RABGAP1: variants seen among roughly 807,000 people sequenced by gnomAD.
RABGAP1 encodes the protein RAB GTPase activating protein 1.
A neutral mutation model predicts 137.6 loss-of-function variants in RABGAP1; 23 were observed. That is an observed-to-expected ratio of 0.17 (90% CI 0.12 to 0.24). The LOEUF (loss-of-function observed/expected upper bound fraction) is 0.24. Among genes scored for constraint, RABGAP1 ranks in the 10% least tolerant of loss-of-function variants. The probability of loss-of-function intolerance (pLI) is 1.00; values close to 1 mark genes in which losing one functional copy is unlikely to be tolerated. For missense variants in RABGAP1, 906 were observed against 1,275.8 expected (o/e 0.71, Z 4.42); for synonymous variants, 451 against 450.7 (o/e 1.00, Z -0.01).
intron 1 of RABGAP1, among the ~76,000 whole-genome samples, chr9:122,948,629 G>A (rs1228539969): frequency 6.6e-6 from 1 of 152,120 alleles, no homozygotes; most frequent in African/African-American, 2.4e-5. Context: ...CCCTAAAGCT[G>A]TACCCATTTT....
intron 6 of RABGAP1, chr9:122,990,803 A>G (rs1329588277): frequency 1.5e-5 from 1 of 68,666 alleles, no homozygotes; most frequent in African/African-American, 1.0e-4. Context: ...AAAAATATAT[A>G]TATATATATA....
chr9:122,935,777 C>T, the RABGAP1 span, among the ~76,000 whole-genome samples: 1,311 of 152,266 alleles, frequency 8.6e-3, 6 homozygotes, highest in South Asian at 0.015. Context: ...CTCTGTATGG[C>T]TTTGAGTTAC....
rs1231517278 is a variant in RABGAP1 at position 123,039,037 on chromosome 9, A to G, written c.1794+18578A>G. ...TAGTTTGGGGCTTGCGTTAGATAAT[A>G]GATGTGAAAGTACTTTGTAAATTGT... On this transcript the variant is annotated intron_variant, in intron 13 of 25. Coordinates refer to ENST00000373647, the MANE Select transcript of RABGAP1 (RefSeq NM_012197.4). 2.0e-5 allele frequency among the ~76,000 whole-genome samples: 3 copies of G among 152,274 alleles called. No homozygotes were observed. The East Asian group carries it at 5.8e-4, about 29-fold the overall frequency.
At chr9:123,017,337 C>T (rs1394635474) in intron 12 of RABGAP1, among the ~76,000 whole-genome samples, 1 of 152,164 alleles carries the variant, frequency 6.6e-6, no homozygotes, top group Non-Finnish European at 1.5e-5. Flanking sequence ...CTTTGTTATT[C>T]ATTTAATTAA....
intron 10 of RABGAP1, among the ~76,000 whole-genome samples, chr9:123,007,553 ATTTTTTTTTTT>A (rs34448685): frequency 9.6e-6 from 1 of 104,536 alleles, no homozygotes; most frequent in South Asian, 3.4e-4. Context: ...AAGTTTTTGT[ATTTTTTTTTTT>A]TTTTTTTTTT....
In RABGAP1 at chr9:123,061,945, A is replaced by G. The variant is rs187145387; in HGVS notation, c.1795-3403A>G. The stretch of plus-strand genomic sequence containing the variant: ...TGTGTTGCATTGGCAGGCTCTCTAC[A>G]TCAGTTACATTTATGTTTAACTCCT... On this transcript the variant is annotated intron_variant, in intron 13 of 25. Coordinates refer to ENST00000373647, the MANE Select transcript of RABGAP1 (RefSeq NM_012197.4). 2.6e-4 allele frequency: 39 copies of G among 152,314 alleles called. No individual in the cohort carries two copies. The East Asian group carries it at 5.0e-3, about 20-fold the overall frequency. The allele number at this position is 152,314 out of a possible 1,614,324, so 9.4% of individuals were successfully genotyped here.
chr9:122,952,529 A>T (rs533864002), intron 1 of RABGAP1, among the ~76,000 whole-genome samples: 1 of 152,132 alleles, frequency 6.6e-6, no homozygotes, highest in East Asian at 1.9e-4. Context: ...CGGCCTCCCA[A>T]AGTGCTGGGA....
At chr9:123,017,280 G>A (rs1402522067) in intron 12 of RABGAP1, among the ~76,000 whole-genome samples, 16 of 152,032 alleles carry the variant, frequency 1.1e-4, no homozygotes, top group Admixed American at 1.0e-3. Context: ...TTTATTACAC[G>A]AACCCATCAG....
At chr9:123,007,759 T>C (rs762142621) in intron 10 of RABGAP1, among the ~76,000 whole-genome samples, 5 of 151,016 alleles carry the variant, frequency 3.3e-5, no homozygotes, top group Non-Finnish European at 7.4e-5. Flanking sequence ...CTTTATGATG[T>C]TGAGTCATCT....
At chr9:122,962,693 C>A (rs1834912743) in intron 2 of RABGAP1, among the ~76,000 whole-genome samples, 1 of 151,932 alleles carries the variant, frequency 6.6e-6, no homozygotes, top group Admixed American at 6.6e-5. Context: ...ATAAGAGACA[C>A]ACTAAAAATG....
At chr9:123,036,181 G>A (rs1288517823) in intron 13 of RABGAP1, among the ~76,000 whole-genome samples, 1 of 152,166 alleles carries the variant, frequency 6.6e-6, no homozygotes, top group Non-Finnish European at 1.5e-5. Flanking sequence ...ATTCTCTTGA[G>A]AGAATTCTCA....
chr9:123,024,273 G>A (rs889158987), intron 13 of RABGAP1, among the ~76,000 whole-genome samples: 1 of 152,180 alleles, frequency 6.6e-6, no homozygotes, highest in African/African-American at 2.4e-5. Flanking sequence ...CTAAGTATGT[G>A]TCAGATACTG....
At chr9:123,017,302 A>C (rs189206079) in intron 12 of RABGAP1, among the ~76,000 whole-genome samples, 14 of 152,282 alleles carry the variant, frequency 9.2e-5, no homozygotes, top group African/African-American at 3.4e-4. Flanking sequence ...ATCTTATACA[A>C]CTTGGAATTC....
intron 13 of RABGAP1, among the ~76,000 whole-genome samples, chr9:123,041,217 T>A (rs1484895634): frequency 6.6e-6 from 1 of 152,238 alleles, no homozygotes; most frequent in Non-Finnish European, 1.5e-5. Flanking sequence ...ATTATACAGA[T>A]GAAACAGATT....
chr9:123,023,116 C>A (rs1348584646), intron 13 of RABGAP1, among the ~76,000 whole-genome samples: 1 of 152,126 alleles, frequency 6.6e-6, no homozygotes, highest in East Asian at 1.9e-4. Context: ...CATAAATACC[C>A]TTACTACACC....
At chr9:123,074,203 A>G (rs990785615) in intron 16 of RABGAP1, 82 bp from the exon 17 acceptor site, 15 of 1,548,304 alleles carry the variant, frequency 9.7e-6, no homozygotes, top group African/African-American at 1.4e-5. Flanking sequence ...TTTTTGGCCT[A>G]TTCCTGGTAG....
intron 23 of RABGAP1, 95 bp downstream of exon 23, chr9:123,098,893 A>C: frequency 1.7e-6 from 1 of 605,882 alleles, no homozygotes; most frequent in Non-Finnish European, 2.8e-6. Flanking sequence ...ACCCAAATGC[A>C]AGCACCCTGG....
At chr9:122,965,443 G>A (rs1835090244) in intron 2 of RABGAP1, among the ~76,000 whole-genome samples, 1 of 152,166 alleles carries the variant, frequency 6.6e-6, no homozygotes, top group Non-Finnish European at 1.5e-5. Context: ...GAGTGCAGTG[G>A]CGTGATCTCA....
chr9:123,099,256 T>C (rs2035272232), intron 23 of RABGAP1, among the ~76,000 whole-genome samples: 2 of 152,022 alleles, frequency 1.3e-5, no homozygotes, highest in African/African-American at 4.8e-5. Context: ...GGCCATTGAG[T>C]GTGGTGCTGC....
Sources: allele counts gnomAD v4.1 joint callset (sites outside exome capture counted in the v4.1 genomes callset), GRCh38; gene constraint gnomAD v4.1.1; transcripts MANE v1.5; gene names NCBI Gene and HGNC (gene_info 2026-07-23, HGNC 2026-07-21).